Variants in ADARB1 observed in about 807,000 individuals in gnomAD.
ADARB1 encodes the protein adenosine deaminase RNA specific B1.
ADARB1 carries 10 observed loss-of-function variants against 52.4 expected under a neutral mutation model. The ratio of observed to expected loss-of-function variants is 0.19; its 90% CI spans 0.12 to 0.32. ADARB1 has a LOEUF of 0.32. ADARB1 is among the 10% of genes least tolerant of loss of function. ADARB1 has a pLI of 1.00. For synonymous variants in ADARB1, 349 were observed against 371.1 expected, an observed-to-expected ratio of 0.94 and a Z score of 0.68; for missense variants, 643 against 922.3, an observed-to-expected ratio of 0.70 and a Z score of 3.92.
At position 45,224,728 on chromosome 21, in the gene ADARB1, G is replaced by C; in HGVS notation, c.*2531G>C. 1 of 1,000,376 alleles carries C rather than the reference G, an allele frequency of 1.0e-6. No homozygotes were observed. The highest frequency in any genetic ancestry group is 1.2e-6 in the Non-Finnish European group (1 of 840,238). The allele number at this position is 1,000,376 out of a possible 1,614,324, so 62.0% of individuals were successfully genotyped here. On this transcript the variant is annotated 3_prime_UTR_variant, in exon 11 of 11. Coordinates refer to ENST00000348831, the MANE Select transcript of ADARB1 (RefSeq NM_001112.4). ...GAACTGGTTTCGGGGAGCCCTGGGC[G>C]GGGCGGCTGTGGGGAGGAAGGTGAC... is the stretch of plus-strand genomic sequence containing the variant.
In ADARB1 at chr21:45,222,326, G is replaced by T. The variant is rs1407879526; in HGVS notation, c.*129G>T. The T allele has an allele frequency of 7.1e-7, 1 of 1,403,098 alleles. No homozygotes were observed. The highest frequency in any genetic ancestry group is 9.2e-7 in the Non-Finnish European group (1 of 1,085,398). The allele number at this position is 1,403,098 out of a possible 1,614,324, so 86.9% of individuals were successfully genotyped here. A position where few individuals can be genotyped will look rare whatever the true frequency, so the allele number is the denominator to read the frequency against. On this transcript the variant is annotated 3_prime_UTR_variant, in exon 11 of 11. Coordinates refer to ENST00000348831, the MANE Select transcript of ADARB1 (RefSeq NM_001112.4). Reference sequence around the variant, plus strand: ...GTAGGGGGACACGGGGGACCACCAGGTGTCCACGGTTGTCCCCAGCATCTC... The same window carrying T: ...GTAGGGGGACACGGGGGACCACCAGTTGTCCACGGTTGTCCCCAGCATCTC...
chr21:45,131,501 C>T (rs773467748), intron 2 of ADARB1, among the ~76,000 whole-genome samples: 9 of 152,186 alleles, frequency 5.9e-5, no homozygotes, highest in Non-Finnish European at 1.2e-4. Context: ...TTGTGCAGGA[C>T]AGTTCCTTGT....
chr21:45,120,635 C>A (rs1440954053), intron 1 of ADARB1, among the ~76,000 whole-genome samples: 1 of 152,230 alleles, frequency 6.6e-6, no homozygotes, highest in Non-Finnish European at 1.5e-5. Context: ...CCTGCCACCG[C>A]ATTGCTCTGG....
At chr21:45,171,758 T>C (rs985710833) in intron 3 of ADARB1, 74 bp downstream of exon 3, 48 of 1,371,576 alleles carry the variant, frequency 3.5e-5, no homozygotes, top group Non-Finnish European at 4.8e-5. Context: ...TGCAAATGTA[T>C]TTCATGAGAC....
At chr21:45,078,059 T>C (rs1166140913) in intron 1 of ADARB1, among the ~76,000 whole-genome samples, 1 of 152,214 alleles carries the variant, frequency 6.6e-6, no homozygotes, top group African/African-American at 2.4e-5. Context: ...TCACAATTTT[T>C]TTTTTTTGGT....
chr21:45,124,791 G>GTGTGTGTGTA (rs2088471575), intron 1 of ADARB1, among the ~76,000 whole-genome samples: 1 of 144,598 alleles, frequency 6.9e-6, no homozygotes, highest in Admixed American at 6.8e-5. Context: ...GTGTGTATGT[G>GTGTGTGTGTA]TGTGTGTGTG....
intron 1 of ADARB1, among the ~76,000 whole-genome samples, chr21:45,093,136 G>A (rs1838758752): frequency 6.6e-6 from 1 of 152,190 alleles, no homozygotes; most frequent in Non-Finnish European, 1.5e-5. Context: ...GCCTCCCCAG[G>A]AAGGAAGCAG....
At chr21:45,094,894 A>G (rs1163172787) in intron 1 of ADARB1, among the ~76,000 whole-genome samples, 1 of 152,164 alleles carries the variant, frequency 6.6e-6, no homozygotes, top group Non-Finnish European at 1.5e-5. Flanking sequence ...CTGGACGCTC[A>G]CTGAGAGGCG....
intron 9 of ADARB1, among the ~76,000 whole-genome samples, chr21:45,218,041 T>C (rs1363894253): frequency 1.3e-5 from 2 of 152,212 alleles, no homozygotes; most frequent in Admixed American, 6.5e-5. Flanking sequence ...GTTTTATTCA[T>C]GTTTCTTGTG....
intron 1 of ADARB1, among the ~76,000 whole-genome samples, chr21:45,093,683 A>C (rs2086647184): frequency 6.6e-6 from 1 of 152,120 alleles, no homozygotes; most frequent in African/African-American, 2.4e-5. Flanking sequence ...GCTCCTCACC[A>C]GGGGTATGGG....
intron 4 of ADARB1, among the ~76,000 whole-genome samples, chr21:45,179,591 A>C (rs1026218467): frequency 1.2e-4 from 18 of 152,228 alleles, no homozygotes; most frequent in African/African-American, 4.1e-4. Flanking sequence ...TTTAATACAG[A>C]TGTCTGTCTG....
rs117911134 is a variant in ADARB1 at position 45,085,543 on chromosome 21, A to G, written c.-220+10750A>G. Among the ~76,000 whole-genome samples, 42 of 152,292 alleles carry G rather than the reference A, an allele frequency of 2.8e-4. No homozygotes were observed. In the East Asian group the frequency reaches 6.9e-3, roughly 25 times the overall value. On this transcript the variant is annotated intron_variant, in intron 1 of 10. Transcript: ENST00000348831. ...ATATGAATGAAAGTAGTCACATCAA[A>G]TGCATATTTATTAGTCTTGGTCATT...
chr21:45,145,099 A>G (rs1196659705), intron 2 of ADARB1: 1 of 152,738 alleles, frequency 6.5e-6, no homozygotes, highest in Non-Finnish European at 1.5e-5. Flanking sequence ...AAGGAGCCCC[A>G]GTAGACTTGG....
At chr21:45,183,564 A>G in intron 7 of ADARB1, 54 bp downstream of exon 7, 1 of 1,587,766 alleles carries the variant, frequency 6.3e-7, no homozygotes. Flanking sequence ...GTTAACAGAT[A>G]AAAACTAACC....
At chr21:45,135,699 C>G (rs1016493369) in intron 2 of ADARB1, among the ~76,000 whole-genome samples, 1 of 152,220 alleles carries the variant, frequency 6.6e-6, no homozygotes, top group African/African-American at 2.4e-5. Flanking sequence ...CTTTCTGGAA[C>G]TGACAAGTCT....
At chr21:45,182,503 A>G (rs1253477354) in intron 5 of ADARB1, 82 bp from the exon 6 acceptor site, 4 of 1,462,394 alleles carry the variant, frequency 2.7e-6, no homozygotes, top group Admixed American at 2.4e-5. Flanking sequence ...GTCACTGAGA[A>G]TAAGAGTCAG....
chr21:45,082,597 C>G (rs2086196019), intron 1 of ADARB1, among the ~76,000 whole-genome samples: 1 of 152,178 alleles, frequency 6.6e-6, no homozygotes, highest in Non-Finnish European at 1.5e-5. Flanking sequence ...TTTATCAGAT[C>G]AGAAAACTGA....
chr21:45,192,571 A>G (rs1285446765), intron 8 of ADARB1, among the ~76,000 whole-genome samples: 1 of 152,118 alleles, frequency 6.6e-6, no homozygotes, highest in Non-Finnish European at 1.5e-5. Context: ...AGTTGTGACT[A>G]CCTTGAGACC....
At chr21:45,153,062 C>T (rs1170833585) in intron 2 of ADARB1, among the ~76,000 whole-genome samples, 1 of 152,236 alleles carries the variant, frequency 6.6e-6, no homozygotes, top group Non-Finnish European at 1.5e-5. Flanking sequence ...CTTTGCCGCA[C>T]TCTTCATTAA....
Sources: gnomAD v4.1 joint callset for allele counts (sites outside exome capture counted in the v4.1 genomes callset) on GRCh38, gnomAD v4.1.1 for gene constraint, MANE v1.5 for transcripts, NCBI Gene and HGNC (gene_info 2026-07-23, HGNC 2026-07-21) for gene names.